GRIN2C: variants seen among roughly 807,000 people sequenced by gnomAD.
GRIN2C encodes glutamate receptor ionotropic, NMDA 2C.
Under a neutral mutation model 77.7 loss-of-function variants are expected in GRIN2C, and 64 were observed. That is an observed-to-expected ratio of 0.82 (90% CI 0.67 to 1.01). The LOEUF is 1.01. Among genes scored for constraint, GRIN2C ranks in the 50% least tolerant of loss-of-function variants. The pLI, the probability that GRIN2C is intolerant of heterozygous loss-of-function variation, is 0.00. For synonymous variants in GRIN2C, 792 were observed against 643.4 expected, an observed-to-expected ratio of 1.23 and a Z score of -3.49; for missense variants, 1,549 against 1,486.0, an observed-to-expected ratio of 1.04 and a Z score of -0.70.
rs368356801 is a variant in GRIN2C, at chr17:74,850,176, C to A, written c.1491+30G>T. Reference sequence around the variant, plus strand: ...CTGGGCAGCAGGTGGGCAGGCAGGGCAGGTGAGGAGGGAGTGGGGTGGGGC... The same window carrying A: ...CTGGGCAGCAGGTGGGCAGGCAGGGAAGGTGAGGAGGGAGTGGGGTGGGGC... On this transcript the variant is annotated intron_variant, in intron 6 of 12. Transcript: ENST00000293190. The surrounding 1 kb of genome is among the most constrained non-coding windows in gnomAD (Gnocchi z 5.3). 11 of 1,609,984 alleles carry A rather than the reference C, an allele frequency of 6.8e-6. No homozygotes were observed. The African/African-American group carries it at 1.5e-4, about 22-fold the overall frequency.
At chr17:74,856,481 CTTT>C (rs35686686) in intron 1 of GRIN2C, among the ~76,000 whole-genome samples, 3 of 135,268 alleles carry the variant, frequency 2.2e-5, no homozygotes, top group Non-Finnish European at 4.7e-5. Flanking sequence ...CTCTCTCTCT[CTTT>C]TTTTTTTTTT....
In GRIN2C at chr17:74,851,579, T is replaced by C; in HGVS notation, c.1111A>G (p.Met371Val). The C allele has an allele frequency of 6.5e-7, 1 of 1,545,024 alleles. No homozygotes were observed. Among genetic ancestry groups the C allele is most frequent in the Non-Finnish European group, 8.8e-7 (1 of 1,139,392 alleles). ...IALNRHRLWEMVGRWEHGVLY... is the reference protein window; with the variant it reads ...IALNRHRLWEVVGRWEHGVLY... ...CCCTGGGCTCACCCCCTTCTCACCA[T>C]CTCCCAGAGGCGGTGCCGGTTGAGG... The change falls in exon 4 of 13, where the codon ATG (methionine) becomes GTG (valine). Residue 371 changes from methionine (M) to valine (V), a missense_variant and splice_region_variant. Met to Val is a conservative substitution (Grantham distance 21, BLOSUM62 1). Transcript: ENST00000293190.
At position 74,846,011 on chromosome 17, in the gene GRIN2C, G is replaced by A; in HGVS notation, c.2350+55C>T. On this transcript the variant is annotated intron_variant, in intron 11 of 12. Coordinates refer to ENST00000293190, the MANE Select transcript of GRIN2C (RefSeq NM_000835.6). The surrounding 1 kb of genome is among the most constrained non-coding windows in gnomAD (Gnocchi z 4.4). ...GAACTTGAGTGGTGGTGGAAATGCT[G>A]ACAACCTTGGGCTCCACAGCCCACC... The A allele has an allele frequency of 6.6e-7, 1 of 1,515,374 alleles. No individual in the cohort carries two copies. Among genetic ancestry groups the A allele is most frequent in the African/African-American group, 1.4e-5 (1 of 73,218 alleles). The allele number at this position is 1,515,374 out of a possible 1,614,324, so 93.9% of individuals were successfully genotyped here. A position where few individuals can be genotyped will look rare whatever the true frequency, so the allele number is the denominator to read the frequency against.
At position 74,852,242 on chromosome 17, in the gene GRIN2C, G is replaced by T. The variant is rs1471292111; in HGVS notation, c.769C>A (p.Leu257Met). The change falls in exon 3 of 13, where the codon CTG becomes ATG. Residue 257 changes from leucine to methionine, a missense_variant. By Grantham distance (15) the Leu-to-Met change is conservative (BLOSUM62 2). This residue lies in a region of GRIN2C where 717 missense variants were observed against 858.1 expected (regional missense o/e 0.84). Transcript: ENST00000293190. ...GPGHVWLVPN[L>M]ALGSTDAPPA... ...GGCGCATCGGTGCTGCCCAGCGCCA[G>T]GTTGGGCACCAGCCACACGTGGCCG... 7.1e-7 allele frequency: 1 copy of T among 1,404,926 alleles called. No homozygotes were observed. The highest frequency in any genetic ancestry group is 9.2e-7 in the Non-Finnish European group (1 of 1,083,968). 87.0% of individuals were successfully genotyped at this position (1,404,926 alleles called of 1,614,324 possible).
In GRIN2C at chr17:74,846,085, G is replaced by C. The variant is rs41282061; in HGVS notation, c.2331C>G (p.Leu777=). The C allele has an allele frequency of 3.9e-3, 6,287 of 1,614,158 alleles. 14 individuals are homozygous for C. The highest frequency in any genetic ancestry group is 5.0e-3 in the Non-Finnish European group (5,911 of 1,179,986). Residue 777 remains leucine, a synonymous_variant, in exon 11 of 13, where the codon CTC becomes CTG. Coordinates refer to ENST00000293190, the MANE Select transcript of GRIN2C (RefSeq NM_000835.6). This position sits in a 1 kb window ranked among gnomAD's most constrained non-coding sequence, Gnocchi z 4.4. ...ACCCACCGTCCCCCAGGAACTGCAAGAGCGCCAGGTCTATGGCCCGCTTCC... is the reference window on the plus strand; with the variant it reads ...ACCCACCGTCCCCCAGGAACTGCAACAGCGCCAGGTCTATGGCCCGCTTCC... The part of the protein sequence containing the change: ...SHWKRAIDLA[L]LQFLGDGETQ...
intron 2 of GRIN2C, 176 bp from the exon 3 acceptor site, chr17:74,852,787 A>G: frequency 2.2e-6 from 1 of 455,800 alleles, no homozygotes; most frequent in Non-Finnish European, 3.8e-6. Flanking sequence ...CCCGCTGCCT[A>G]GTAGCATGGT....
rs117073649 is a variant in GRIN2C, at chr17:74,842,024, G to A, written c.*411C>T. ...AGAATGAAGCAGCCAGGACCAGTGT[G>A]TTGTAAAAGGTTGGTTTAATGTCCC... On this transcript the variant is annotated 3_prime_UTR_variant, in exon 13 of 13. Coordinates refer to ENST00000293190, the MANE Select transcript of GRIN2C (RefSeq NM_000835.6). 2 of 193,642 alleles carry A rather than the reference G, an allele frequency of 1.0e-5. No homozygotes were observed. Among genetic ancestry groups the A allele is most frequent in the East Asian group, 3.5e-4 (2 of 5,738 alleles). 12.0% of individuals were successfully genotyped at this position (193,642 alleles called of 1,614,324 possible). A position where few individuals can be genotyped will look rare whatever the true frequency, so the allele number is the denominator to read the frequency against.
At position 74,855,014 on chromosome 17, in the gene GRIN2C, C is replaced by T. The variant is rs546290434; in HGVS notation, c.79G>A (p.Glu27Lys). 10 of 1,603,610 alleles carry T rather than the reference C, an allele frequency of 6.2e-6. No homozygotes were observed. The highest frequency in any genetic ancestry group is 4.5e-5 in the East Asian group (2 of 44,852). The change falls in exon 2 of 13, where the codon GAG (glutamate) becomes AAG (lysine). Residue 27 changes from glutamate (E) to lysine (K), a missense_variant. Coordinates refer to ENST00000293190, the MANE Select transcript of GRIN2C (RefSeq NM_000835.6). The part of the protein sequence containing the change: ...AWAGLGPGQG[E>K]QGMTVAVVFS... ...ACCACGGCCACCGTCATGCCCTGCT[C>T]GCCCTGCCCCGGACCCAGCCCTGCC...
Position 74,843,417 on chromosome 17 carries a change from G to A in GRIN2C, c.2720C>T (p.Ala907Val), listed in dbSNP as rs576245447. 62 of 1,536,048 alleles carry A rather than the reference G, an allele frequency of 4.0e-5. No individual in the cohort carries two copies. In the South Asian group the frequency reaches 6.4e-4, roughly 16 times the overall value. Residue 907 changes from alanine (A) to valine (V), a missense_variant, in exon 13 of 13, where the codon GCG (alanine) becomes GTG (valine). By Grantham distance (64) the Ala-to-Val change is moderately conservative. Transcript: ENST00000293190. ...GCGGTCCAGGGAGCTGCTTACGCCC[G>A]CCGTGGTCACCATGTCGCGGGCTGC... ...LQAARDMVTT[A>V]GVSSSLDRAT...
At chr17:74,860,233 G>C (rs746733440), upstream of GRIN2C, among the ~76,000 whole-genome samples, 42 of 152,350 alleles carry the variant, frequency 2.8e-4, 1 homozygote, top group Non-Finnish European at 5.6e-4. Flanking sequence ...GACCTGGACG[G>C]GCTCTGAAAT....
Position 74,843,560 on chromosome 17 carries a change from A to G in GRIN2C, c.2584-7T>C, listed in dbSNP as rs1457478715. The G allele has an allele frequency of 1.0e-5, 16 of 1,531,906 alleles. No homozygotes were observed. The highest frequency in any genetic ancestry group is 3.5e-6 in the Non-Finnish European group (4 of 1,146,064). The allele number at this position is 1,531,906 out of a possible 1,614,324, so 94.9% of individuals were successfully genotyped here. A position where few individuals can be genotyped will look rare whatever the true frequency, so the allele number is the denominator to read the frequency against. ...TGAAGCAGCTGTAGATGCCCTGGGC[A>G]GTAGGGAGACGACAGGCCGTAAGCA... On this transcript the variant is annotated splice_region_variant and splice_polypyrimidine_tract_variant and intron_variant, in intron 12 of 12. Coordinates refer to ENST00000293190, the MANE Select transcript of GRIN2C (RefSeq NM_000835.6).
rs1469863284 is a variant in GRIN2C, at chr17:74,847,062, CTG to C, written c.2002-144_2002-143del. ...GTCTTAAAGGCTGTCCAGGCCACTC[CTG>C]TGTTTTCCAAATGGAGACTCTGAGG... On this transcript the variant is annotated intron_variant, in intron 9 of 12. Transcript: ENST00000293190. This position sits in a 1 kb window ranked among gnomAD's most constrained non-coding sequence, Gnocchi z 5.2. 2 of 885,656 alleles carry C rather than the reference CTG, an allele frequency of 2.3e-6. No individual in the cohort carries two copies. The highest frequency in any genetic ancestry group is 3.4e-6 in the Non-Finnish European group (2 of 592,288). The allele number at this position is 885,656 out of a possible 1,614,324, so 54.9% of individuals were successfully genotyped here.
In GRIN2C at chr17:74,843,312, G is replaced by A; in HGVS notation, c.2825C>T (p.Pro942Leu). 2.1e-6 allele frequency: 3 copies of A among 1,405,452 alleles called. No individual in the cohort carries two copies. Among genetic ancestry groups the A allele is most frequent in the Non-Finnish European group, 2.9e-6 (3 of 1,043,194 alleles). The allele number at this position is 1,405,452 out of a possible 1,614,324, so 87.1% of individuals were successfully genotyped here. A position where few individuals can be genotyped will look rare whatever the true frequency, so the allele number is the denominator to read the frequency against. The stretch of plus-strand genomic sequence containing the variant: ...GTCGGGGGTGGGCAGGCATGGGCTG[G>A]GGCCAGACCGCGGGGTCGGGCAGGG... ...PSPCPTPRSG[P>L]SPCLPTPDPP... The change falls in exon 13 of 13, where the codon CCC becomes CTC. Residue 942 changes from proline to leucine, a missense_variant. Pro to Leu is a moderately conservative substitution (Grantham distance 98). Coordinates refer to ENST00000293190, the MANE Select transcript of GRIN2C (RefSeq NM_000835.6).
rs2037546761 is a variant in GRIN2C, at chr17:74,849,030, G to T, written c.1645+750C>A. On this transcript the variant is annotated intron_variant, in intron 7 of 12. Coordinates refer to ENST00000293190, the MANE Select transcript of GRIN2C (RefSeq NM_000835.6). The surrounding 1 kb of genome is among the most constrained non-coding windows in gnomAD (Gnocchi z 4.6). ...AACACCCTGTCTCAAAAAAAAAAAG[G>T]AAGGAAAGAAGAAAGGAAGAGTGGG... is the stretch of plus-strand genomic sequence containing the variant. Among the ~76,000 whole-genome samples, 1 of 143,426 alleles carries T rather than the reference G, an allele frequency of 7.0e-6. No homozygotes were observed. The highest frequency in any genetic ancestry group is 2.5e-5 in the African/African-American group (1 of 40,102). 94.1% of individuals were successfully genotyped at this position (143,426 alleles called of 152,430 possible).
chr17:74,849,615 TCTC>T lies in GRIN2C; in HGVS notation c.1645+162_1645+164del, dbSNP rs2037568288. On this transcript the variant is annotated intron_variant, in intron 7 of 12. Coordinates refer to ENST00000293190, the MANE Select transcript of GRIN2C (RefSeq NM_000835.6). This position sits in a 1 kb window ranked among gnomAD's most constrained non-coding sequence, Gnocchi z 4.6. ...CCTAGAACCGAACACTGACTTCACT[TCTC>T]CTGTCTCCTTTCCACTCACCTCCAG... 6.6e-6 allele frequency among the ~76,000 whole-genome samples: 1 copy of T among 151,924 alleles called. No homozygotes were observed. The highest frequency in any genetic ancestry group is 2.4e-5 in the African/African-American group (1 of 41,358).
In GRIN2C at chr17:74,854,994, G is replaced by A. The variant is rs689730; in HGVS notation, c.99C>T (p.Ala33=). 0.11 allele frequency: 179,709 copies of A among 1,607,346 alleles called. 12,492 individuals carry two copies. The highest frequency in any genetic ancestry group is 0.25 in the East Asian group (11,208 of 44,830). The change falls in exon 2 of 13, where the codon GCC becomes GCT. Residue 33 remains alanine (A), a synonymous_variant. Coordinates refer to ENST00000293190, the MANE Select transcript of GRIN2C (RefSeq NM_000835.6). ...GCGGCCCTGAGCTGCTAAACACCAC[G>A]GCCACCGTCATGCCCTGCTCGCCCT... is the stretch of plus-strand genomic sequence containing the variant. ...PGQGEQGMTV[A]VVFSSSGPPQ... is the part of the protein sequence containing the mutation.
rs745444498 is a variant in GRIN2C, at chr17:74,842,415, G to A, written c.*20C>T. On this transcript the variant is annotated 3_prime_UTR_variant, in exon 13 of 13. Transcript: ENST00000293190. ...GCAGGCAGAGAATCCAGCTGGCTCG[G>A]AGCCTGAGTGGCTGATAACTCACAC... is the stretch of plus-strand genomic sequence containing the variant. The A allele has an allele frequency of 1.3e-6, 1 of 765,598 alleles. No individual in the cohort carries two copies. Among genetic ancestry groups the A allele is most frequent in the South Asian group, 1.4e-5 (1 of 73,122 alleles). The allele number at this position is 765,598 out of a possible 1,614,324, so 47.4% of individuals were successfully genotyped here.
chr17:74,856,184 C>T (rs1428913828), intron 1 of GRIN2C, among the ~76,000 whole-genome samples: 1 of 152,244 alleles, frequency 6.6e-6, no homozygotes, highest in Non-Finnish European at 1.5e-5. Context: ...TCCCTCCCAG[C>T]TGGCCATCGG....
Position 74,847,165 on chromosome 17 carries a change from C to T in GRIN2C, c.2001+143G>A. The T allele has an allele frequency of 2.7e-6, 2 of 754,390 alleles. No homozygotes were observed. Among genetic ancestry groups the T allele is most frequent in the South Asian group, 3.5e-5 (2 of 56,642 alleles). The allele number at this position is 754,390 out of a possible 1,614,324, so 46.7% of individuals were successfully genotyped here. A position where few individuals can be genotyped will look rare whatever the true frequency, so the allele number is the denominator to read the frequency against. ...CCATCTCTTGCCCCAGCCCCCAACC[C>T]CTTCTCAGCAGGCCCTGAAGCTTCT... On this transcript the variant is annotated intron_variant, in intron 9 of 12. Transcript: ENST00000293190. This position sits in a 1 kb window ranked among gnomAD's most constrained non-coding sequence, Gnocchi z 5.2.
Sources: gnomAD v4.1 joint callset for allele counts (sites outside exome capture counted in the v4.1 genomes callset) on GRCh38, gnomAD v4.1.1 for gene constraint, gnomAD v4.1.1 regional missense constraint, Gnocchi (gnomAD v3.1) non-coding constraint, MANE v1.5 for transcripts, NCBI Gene and HGNC (gene_info 2026-07-23, HGNC 2026-07-21) for gene names.